The following SEC24B variants were observed in gnomAD, a reference collection of about 807,000 sequenced individuals.
The protein encoded by SEC24B is protein transport protein Sec24B.
In SEC24B, 45 loss-of-function variants were observed where a neutral mutation model predicts 142.8. That is an observed-to-expected ratio of 0.32 (90% CI 0.25 to 0.40). The LOEUF (loss-of-function observed/expected upper bound fraction) is 0.40, where lower values mean the gene tolerates loss of function less well. SEC24B is among the 10% of genes least tolerant of loss of function. The pLI is 1.00. For synonymous variants in SEC24B, 574 were observed against 568.2 expected, an observed-to-expected ratio of 1.01 and a Z score of -0.15; for missense variants, 1,409 against 1,526.8, an observed-to-expected ratio of 0.92 and a Z score of 1.29.
At chr4:109,448,523 C>T (rs1488891212) in intron 1 of SEC24B, among the ~76,000 whole-genome samples, 1 of 151,730 alleles carries the variant, frequency 6.6e-6, no homozygotes, top group Non-Finnish European at 1.5e-5. Flanking sequence ...TTTTTTGAGC[C>T]TCCCAGGTTC....
intron 5 of SEC24B, among the ~76,000 whole-genome samples, chr4:109,494,326 G>T (rs116079156): frequency 0.013 from 2,039 of 151,978 alleles, 43 homozygotes; most frequent in African/African-American, 0.046. Flanking sequence ...TGTATCTGTT[G>T]GTGAAGTGAT....
At chr4:109,515,963 G>A (rs1335669261) in intron 10 of SEC24B, among the ~76,000 whole-genome samples, 1 of 151,574 alleles carries the variant, frequency 6.6e-6, no homozygotes, top group Non-Finnish European at 1.5e-5. Context: ...CAGGAGAATC[G>A]CTTGAACCTG....
chr4:109,484,332 A>G (rs995550905), intron 4 of SEC24B, among the ~76,000 whole-genome samples: 2 of 152,164 alleles, frequency 1.3e-5, no homozygotes, highest in African/African-American at 4.8e-5. Flanking sequence ...CACTAAAACA[A>G]TGTTGTGTTC....
intron 1 of SEC24B, among the ~76,000 whole-genome samples, chr4:109,449,113 G>C (rs745559544): frequency 6.6e-6 from 1 of 152,152 alleles, no homozygotes; most frequent in African/African-American, 2.4e-5. Context: ...CAGGGTTTAC[G>C]TGATACCAGC....
intron 21 of SEC24B, 147 bp from the exon 22 acceptor site, chr4:109,533,446 C>A: frequency 3.2e-6 from 2 of 632,730 alleles, no homozygotes; most frequent in Non-Finnish European, 5.6e-6. Context: ...TGGATTCTTA[C>A]ATATAGATTC....
At chr4:109,499,500 A>T (rs780750644) in intron 6 of SEC24B, among the ~76,000 whole-genome samples, 2 of 152,188 alleles carry the variant, frequency 1.3e-5, no homozygotes, top group Non-Finnish European at 2.9e-5. Context: ...TTGTGTGTGT[A>T]TATACACACA....
intron 3 of SEC24B, among the ~76,000 whole-genome samples, chr4:109,480,597 C>T (rs1024242854): frequency 2.6e-5 from 4 of 152,172 alleles, no homozygotes; most frequent in African/African-American, 7.2e-5. Flanking sequence ...TCTCCTGCCC[C>T]AGCCTCCCAA....
chr4:109,480,378 T>C (rs548601758), intron 3 of SEC24B, among the ~76,000 whole-genome samples: 1 of 152,316 alleles, frequency 6.6e-6, no homozygotes, highest in South Asian at 2.1e-4. Flanking sequence ...ATCCCCACTA[T>C]GTTTCTGGCT....
intron 11 of SEC24B, among the ~76,000 whole-genome samples, chr4:109,519,974 C>T (rs556742530): frequency 4.6e-5 from 7 of 152,190 alleles, no homozygotes; most frequent in South Asian, 2.1e-4. Flanking sequence ...ATTGTAGCAT[C>T]GACTTTTGAA....
chr4:109,495,082 C>G (rs1735399305), intron 6 of SEC24B, among the ~76,000 whole-genome samples: 2 of 151,982 alleles, frequency 1.3e-5, no homozygotes, highest in Admixed American at 6.6e-5. Flanking sequence ...AAATCTAGAT[C>G]AAGATATTAG....
intron 17 of SEC24B, 77 bp downstream of exon 17, chr4:109,526,476 G>T: frequency 1.0e-6 from 1 of 992,964 alleles, no homozygotes; most frequent in Non-Finnish European, 1.5e-6. Context: ...GTGGAGTGGG[G>T]AAAAAGAATG....
chr4:109,529,217 TA>T (rs995843317), intron 18 of SEC24B, among the ~76,000 whole-genome samples: 2 of 152,272 alleles, frequency 1.3e-5, no homozygotes, highest in South Asian at 4.2e-4. Context: ...AATATTTAAC[TA>T]AAATCAAAAG....
chr4:109,528,505 G>C (rs1724520326), intron 18 of SEC24B, among the ~76,000 whole-genome samples: 1 of 151,912 alleles, frequency 6.6e-6, no homozygotes, highest in South Asian at 2.1e-4. Flanking sequence ...ATTATCAAAT[G>C]GTGACTAATT....
chr4:109,478,782 TAAAAG>T (rs1203498610), intron 3 of SEC24B, among the ~76,000 whole-genome samples: 2 of 152,310 alleles, frequency 1.3e-5, no homozygotes, highest in African/African-American at 2.4e-5. Context: ...CTTTGTAAAA[TAAAAG>T]AAAGGCTGTC....
At chr4:109,489,687 A>G (rs1414244519) in intron 4 of SEC24B, among the ~76,000 whole-genome samples, 1 of 148,276 alleles carries the variant, frequency 6.7e-6, no homozygotes, top group African/African-American at 2.5e-5. Flanking sequence ...ATATATACAT[A>G]TGATAATATA....
intron 1 of SEC24B, among the ~76,000 whole-genome samples, chr4:109,437,272 A>G (rs900027272): frequency 6.6e-6 from 1 of 152,062 alleles, no homozygotes; most frequent in African/African-American, 2.4e-5. Context: ...GTAGAGTGAA[A>G]GAAGTTTTTT....
intron 7 of SEC24B, 92 bp downstream of exon 7, chr4:109,506,604 T>G (rs1578928308): frequency 2.1e-6 from 2 of 934,944 alleles, no homozygotes; most frequent in East Asian, 5.6e-5. Flanking sequence ...ATTTCTTCGG[T>G]TGGAAGTTTC....
At chr4:109,520,922 G>A (rs1227248055) in intron 12 of SEC24B, among the ~76,000 whole-genome samples, 195 bp from the exon 13 acceptor site, 1 of 152,164 alleles carries the variant, frequency 6.6e-6, no homozygotes, top group Non-Finnish European at 1.5e-5. Context: ...AACCCGGGAG[G>A]TGGAGGTTGC....
chr4:109,490,714 C>T (rs1254557259), intron 4 of SEC24B, among the ~76,000 whole-genome samples: 1 of 152,026 alleles, frequency 6.6e-6, no homozygotes, highest in Non-Finnish European at 1.5e-5. Flanking sequence ...AATGAAAATT[C>T]TTATAGTCTA....
Sources: gnomAD v4.1 joint callset for allele counts (sites outside exome capture counted in the v4.1 genomes callset) on GRCh38, gnomAD v4.1.1 for gene constraint, MANE v1.5 for transcripts, NCBI Gene and HGNC (gene_info 2026-07-23, HGNC 2026-07-21) for gene names.